The following SNX29 variants were observed in gnomAD, a reference collection of about 807,000 sequenced individuals.
SNX29 encodes sorting nexin-29.
In SNX29, 78 loss-of-function variants were observed where a neutral mutation model predicts 102.1. The ratio of observed to expected loss-of-function variants is 0.76; its 90% CI spans 0.64 to 0.92. The LOEUF (loss-of-function observed/expected upper bound fraction) is 0.92. Ranked by LOEUF, SNX29 falls within the 40% of genes least tolerant of loss-of-function variation. SNX29 has a pLI of 0.00. For synonymous variants in SNX29, 580 were observed against 414.5 expected (o/e 1.40, Z -4.85); for missense variants, 1,280 against 1,061.7 (o/e 1.21, Z -2.86).
At chr16:12,561,044 C>T (rs898025294) in intron 20 of SNX29, 7 of 222,590 alleles carry the variant, frequency 3.1e-5, no homozygotes, top group African/African-American at 6.7e-5. Context: ...CCATTTCAAA[C>T]CAAGAGGTAG....
At chr16:11,979,682 C>T (rs1236327148) in intron 1 of SNX29, among the ~76,000 whole-genome samples, 3 of 152,150 alleles carry the variant, frequency 2.0e-5, no homozygotes, top group Non-Finnish European at 4.4e-5. Context: ...CTCCTGGGTT[C>T]AAGCAATTCT....
intron 18 of SNX29, among the ~76,000 whole-genome samples, chr16:12,464,758 T>C (rs11075083): frequency 0.25 from 37,573 of 152,198 alleles, 6,442 homozygotes; most frequent in African/African-American, 0.48. Context: ...CCCTGTCTTA[T>C]TTTCTTTAGA....
chr16:12,049,615 G>C (rs2050224301), intron 7 of SNX29, among the ~76,000 whole-genome samples: 1 of 152,044 alleles, frequency 6.6e-6, no homozygotes, highest in South Asian at 2.1e-4. Context: ...TTACAGGCGT[G>C]AGCCACTGTG....
chr16:12,137,713 G>C (rs74665491), intron 13 of SNX29, among the ~76,000 whole-genome samples: 5,042 of 152,326 alleles, frequency 0.033, 120 homozygotes, highest in East Asian at 0.17. Flanking sequence ...AAAAAGGACA[G>C]TACATTTCTT....
intron 20 of SNX29, among the ~76,000 whole-genome samples, chr16:12,558,613 C>G (rs1276168022): frequency 1.3e-5 from 2 of 152,230 alleles, no homozygotes; most frequent in Admixed American, 1.3e-4. Context: ...GCTGCTCACA[C>G]AGTGCAGGCC....
At chr16:12,431,955 G>T (rs1427087422) in intron 18 of SNX29, among the ~76,000 whole-genome samples, 1 of 152,216 alleles carries the variant, frequency 6.6e-6, no homozygotes, top group African/African-American at 2.4e-5. Context: ...CCTCTTCTGT[G>T]CCCTGGGGAT....
At chr16:11,999,165 G>T in intron 1 of SNX29, 132 bp from the exon 2 acceptor site, 1 of 755,716 alleles carries the variant, frequency 1.3e-6, no homozygotes, top group East Asian at 2.7e-5. Flanking sequence ...AAACTTCATT[G>T]TAATGATACA....
chr16:12,033,671 A>G (rs1317506591), intron 4 of SNX29, among the ~76,000 whole-genome samples: 2 of 151,182 alleles, frequency 1.3e-5, no homozygotes, highest in African/African-American at 2.4e-5. Flanking sequence ...CAGTGGTGCA[A>G]TCTTGGCCCA....
At chr16:12,394,676 A>G (rs1345848993) in intron 16 of SNX29, among the ~76,000 whole-genome samples, 2 of 152,112 alleles carry the variant, frequency 1.3e-5, no homozygotes, top group African/African-American at 4.8e-5. Flanking sequence ...GGGATTATTG[A>G]TCAGAATACC....
At chr16:12,080,033 A>G (rs1406069638) in intron 11 of SNX29, among the ~76,000 whole-genome samples, 1 of 152,108 alleles carries the variant, frequency 6.6e-6, no homozygotes, top group Non-Finnish European at 1.5e-5. Flanking sequence ...TGTTTTATAT[A>G]TTTTAATACA....
chr16:12,061,988 T>G (rs2050795435), intron 9 of SNX29, among the ~76,000 whole-genome samples: 2 of 152,144 alleles, frequency 1.3e-5, no homozygotes, highest in Admixed American at 6.5e-5. Context: ...CGATTTTGCC[T>G]CTTTGGAGAT....
At chr16:12,488,438 C>A (rs1353504200) in intron 19 of SNX29, among the ~76,000 whole-genome samples, 31 of 149,120 alleles carry the variant, frequency 2.1e-4, no homozygotes, top group Non-Finnish European at 7.5e-5. Flanking sequence ...TTCCTTCCCG[C>A]AGTCCCCCCC....
intron 15 of SNX29, among the ~76,000 whole-genome samples, chr16:12,296,357 C>T (rs1485620599): frequency 6.6e-6 from 1 of 152,098 alleles, no homozygotes. Flanking sequence ...AAGTTTGTGC[C>T]CATGGCCCTT....
chr16:12,149,253 A>G (rs1226717160), intron 13 of SNX29, among the ~76,000 whole-genome samples: 3 of 152,182 alleles, frequency 2.0e-5, no homozygotes, highest in Non-Finnish European at 4.4e-5. Flanking sequence ...GGAGAAGGGG[A>G]GAAAGTGTGT....
At chr16:12,009,381 T>C (rs554647206) in intron 3 of SNX29, among the ~76,000 whole-genome samples, 171 of 151,958 alleles carry the variant, frequency 1.1e-3, no homozygotes, top group Non-Finnish European at 1.7e-3. Context: ...TGTTTTTGTA[T>C]GTGTGTGTGG....
intron 14 of SNX29, among the ~76,000 whole-genome samples, chr16:12,226,995 A>C (rs1006818643): frequency 6.6e-6 from 1 of 152,166 alleles, no homozygotes; most frequent in Non-Finnish European, 1.5e-5. Flanking sequence ...TCTATCTTTG[A>C]AAGGGAAATT....
rs142981790 is a variant in SNX29, at chr16:12,211,779, T to C, written c.1678+12096T>C. 7.4e-3 allele frequency among the ~76,000 whole-genome samples: 1,122 copies of C among 152,282 alleles called. 7 individuals are homozygous for C. Among genetic ancestry groups the C allele is most frequent in the Non-Finnish European group, 6.2e-3 (422 of 68,018 alleles). On this transcript the variant is annotated intron_variant, in intron 14 of 20. Transcript: ENST00000566228. ...CCTCCGTTTTTTGTTTGTTTGTTTG[T>C]TTTTTCTTCTTAAAGCCTTCAGCTG...
intron 2 of SNX29, among the ~76,000 whole-genome samples, chr16:11,999,654 C>T (rs1323929559): frequency 6.6e-6 from 1 of 152,144 alleles, no homozygotes; most frequent in Non-Finnish European, 1.5e-5. Flanking sequence ...GTAATCCTAG[C>T]ACTTTGGGAG....
intron 19 of SNX29, among the ~76,000 whole-genome samples, chr16:12,513,816 C>T (rs940222630): frequency 6.6e-6 from 1 of 152,222 alleles, no homozygotes; most frequent in Non-Finnish European, 1.5e-5. Context: ...AGCTCTGTGA[C>T]ATTTGGGAAG....
Sources: gnomAD v4.1 joint callset for allele counts (sites outside exome capture counted in the v4.1 genomes callset) on GRCh38, gnomAD v4.1.1 for gene constraint, MANE v1.5 for transcripts, NCBI Gene and HGNC (gene_info 2026-07-23, HGNC 2026-07-21) for gene names.